The following TXNRD3 variants were observed in gnomAD, a reference collection of about 807,000 sequenced individuals.
TXNRD3 encodes thioredoxin reductase 3.
In TXNRD3, 68 loss-of-function variants were observed where a neutral mutation model predicts 78.2. The observed-to-expected ratio is 0.87, with a 90% CI of 0.72 to 1.06. The LOEUF is 1.06. TXNRD3 is among the 50% of genes least tolerant of loss of function. The probability of loss-of-function intolerance (pLI) is 0.00; values close to 1 mark genes in which losing one functional copy is unlikely to be tolerated. For missense variants in TXNRD3, 751 were observed against 809.5 expected (o/e 0.93, Z 0.88); for synonymous variants, 296 against 300.1 (o/e 0.99, Z 0.14).
At chr3:126,636,228 A>G (rs1006221275) in intron 6 of TXNRD3, among the ~76,000 whole-genome samples, 1 of 152,178 alleles carries the variant, frequency 6.6e-6, no homozygotes, top group Non-Finnish European at 1.5e-5. Context: ...ATTAGTTCTA[A>G]TATTTCTTGT....
At chr3:126,652,027 G>C (rs1933403776) in intron 1 of TXNRD3, among the ~76,000 whole-genome samples, 1 of 152,182 alleles carries the variant, frequency 6.6e-6, no homozygotes, top group African/African-American at 2.4e-5. Flanking sequence ...CCTTGTATTA[G>C]TCTGTTCTCC....
intron 10 of TXNRD3, chr3:126,625,868 T>C (rs572791732): frequency 6.6e-6 from 1 of 152,506 alleles, no homozygotes; most frequent in East Asian, 1.9e-4. Context: ...TGGTATCTCA[T>C]TGTGGTTTTG....
Position 126,607,866 on chromosome 3 carries a change from A to G in TXNRD3, c.*39T>C. ...CCGAGAGCATTCTTATCTTTGAGAG[A>G]AATGAGAATATGACAAGGAGAACTA... On this transcript the variant is annotated 3_prime_UTR_variant, in exon 16 of 16. Coordinates refer to ENST00000524230, the MANE Select transcript of TXNRD3 (RefSeq NM_052883.3). The G allele has an allele frequency of 1.4e-6, 2 of 1,460,638 alleles. No individual in the cohort carries two copies. Among genetic ancestry groups the G allele is most frequent in the Non-Finnish European group, 1.8e-6 (2 of 1,089,774 alleles). The allele number at this position is 1,460,638 out of a possible 1,614,324, so 90.5% of individuals were successfully genotyped here. A position where few individuals can be genotyped will look rare whatever the true frequency, so the allele number is the denominator to read the frequency against.
At chr3:126,628,570 G>C (rs1234778538) in intron 10 of TXNRD3, among the ~76,000 whole-genome samples, 2 of 151,992 alleles carry the variant, frequency 1.3e-5, no homozygotes, top group Admixed American at 1.3e-4. Context: ...AATACCATTT[G>C]TGACTACATA....
At chr3:126,620,959 C>A (rs543635119) in intron 12 of TXNRD3, among the ~76,000 whole-genome samples, 26 of 152,296 alleles carry the variant, frequency 1.7e-4, no homozygotes, top group African/African-American at 6.0e-4. Context: ...CCCGCCAACT[C>A]CACCACACGG....
At chr3:126,619,069 G>C (rs1212585033) in intron 12 of TXNRD3, among the ~76,000 whole-genome samples, 1 of 152,020 alleles carries the variant, frequency 6.6e-6, no homozygotes, top group African/African-American at 2.4e-5. Flanking sequence ...AATAACAAAG[G>C]CTGGTGAGGA....
chr3:126,615,293 C>T (rs1161991074), intron 13 of TXNRD3, 62 bp downstream of exon 13: 9 of 737,784 alleles, frequency 1.2e-5, no homozygotes, highest in Admixed American at 3.4e-5. Flanking sequence ...AAAAAGTGAC[C>T]GCAAAGATAA....
At chr3:126,646,250 C>T in intron 2 of TXNRD3, 30 bp from the exon 3 acceptor site, 1 of 1,472,370 alleles carries the variant, frequency 6.8e-7, no homozygotes, top group Non-Finnish European at 8.9e-7. Flanking sequence ...TATATAAAAA[C>T]ACTGAAAAGA....
chr3:126,622,578 T>C (rs945367657), intron 10 of TXNRD3, 38 bp from the exon 11 acceptor site: 1 of 1,454,684 alleles, frequency 6.9e-7, no homozygotes, highest in Non-Finnish European at 9.3e-7. Flanking sequence ...AAATTATCCA[T>C]ATCGGGAATG....
intron 14 of TXNRD3, 80 bp from the exon 15 acceptor site, chr3:126,608,713 T>A: frequency 7.1e-7 from 1 of 1,413,770 alleles, no homozygotes; most frequent in Admixed American, 2.8e-5. Context: ...AAATTCACAG[T>A]TAAAATATAC....
At position 126,642,111 on chromosome 3, in the gene TXNRD3, C is replaced by T. The variant is rs936059496; in HGVS notation, c.633G>A (p.Lys211=). 1.0e-4 allele frequency: 153 copies of T among 1,536,220 alleles called. No homozygotes were observed. The highest frequency in any genetic ancestry group is 1.3e-4 in the Non-Finnish European group (152 of 1,146,944). ...AAAGGGCAGCCTGATGCATCAATTT[C>T]TTAGGAATACAACCTACATTTACAC... Residue 211 remains lysine, a synonymous_variant, in exon 6 of 16, where the codon AAG becomes AAA. Transcript: ENST00000524230.
intron 12 of TXNRD3, among the ~76,000 whole-genome samples, chr3:126,617,073 C>T (rs756423848): frequency 1.3e-5 from 2 of 152,106 alleles, no homozygotes; most frequent in African/African-American, 4.8e-5. Flanking sequence ...TTAATAGATG[C>T]CTTTGTTTCC....
chr3:126,651,555 A>G (rs1453015202), intron 1 of TXNRD3, among the ~76,000 whole-genome samples: 2 of 152,242 alleles, frequency 1.3e-5, no homozygotes, highest in African/African-American at 4.8e-5. Flanking sequence ...TGTGCCTGAC[A>G]CTATTGTCTA....
In TXNRD3 at chr3:126,654,794, C is replaced by T; in HGVS notation, c.197G>A (p.Ser66Asn). The change falls in exon 1 of 16, where the codon AGC (serine) becomes AAC (asparagine). Residue 66 changes from serine (S) to asparagine (N), a missense_variant. By Grantham distance (46) the Ser-to-Asn change is conservative. Coordinates refer to ENST00000524230, the MANE Select transcript of TXNRD3 (RefSeq NM_052883.3). The stretch of plus-strand genomic sequence containing the variant: ...GCTCTTGCTGAAGATCACCACCCGG[C>T]TGCGCTCGATGAGGCCCACGAGGTG... 1 of 1,431,832 alleles carries T rather than the reference C, an allele frequency of 7.0e-7. No homozygotes were observed. The highest frequency in any genetic ancestry group is 9.1e-7 in the Non-Finnish European group (1 of 1,093,828). The allele number at this position is 1,431,832 out of a possible 1,614,324, so 88.7% of individuals were successfully genotyped here. A position where few individuals can be genotyped will look rare whatever the true frequency, so the allele number is the denominator to read the frequency against.
intron 10 of TXNRD3, among the ~76,000 whole-genome samples, 174 bp from the exon 11 acceptor site, chr3:126,622,714 CA>C (rs572942420): frequency 8.5e-4 from 129 of 152,272 alleles, no homozygotes; most frequent in Middle Eastern, 3.4e-3. Context: ...CACAACTTAC[CA>C]AACTTCACAA....
intron 1 of TXNRD3, among the ~76,000 whole-genome samples, chr3:126,648,096 G>T (rs1933283623): frequency 6.6e-6 from 1 of 151,804 alleles, no homozygotes; most frequent in Non-Finnish European, 1.5e-5. Context: ...ATCCAAAATA[G>T]AAATTGAGAA....
intron 5 of TXNRD3, 77 bp downstream of exon 5, chr3:126,643,904 T>C: frequency 7.5e-7 from 1 of 1,327,972 alleles, no homozygotes; most frequent in Non-Finnish European, 1.0e-6. Flanking sequence ...GAGATTGTTG[T>C]GAGGATTAAA....
At chr3:126,620,269 T>C (rs1559772048) in intron 12 of TXNRD3, among the ~76,000 whole-genome samples, 1 of 130,782 alleles carries the variant, frequency 7.6e-6, no homozygotes, top group Non-Finnish European at 1.5e-5. Flanking sequence ...CACTCCAGCC[T>C]GGGCGGCAGA....
Position 126,608,644 on chromosome 3 carries a change from GAAACA to G in TXNRD3, c.1729-16_1729-12del. ...TCCTATCACCCGATCCTTTAATACAGAAACAAAACAAAGAGAATCCCAGTAGGTTA... is the reference window on the plus strand; with the variant it reads ...TCCTATCACCCGATCCTTTAATACAGAAACAAAGAGAATCCCAGTAGGTTA... On this transcript the variant is annotated splice_polypyrimidine_tract_variant and intron_variant, in intron 14 of 15. Transcript: ENST00000524230. 5.9e-6 allele frequency: 9 copies of G among 1,530,730 alleles called. No individual in the cohort carries two copies. Among genetic ancestry groups the G allele is most frequent in the Non-Finnish European group, 7.9e-6 (9 of 1,144,880 alleles). 94.8% of individuals were successfully genotyped at this position (1,530,730 alleles called of 1,614,324 possible).
Sources: gnomAD v4.1 joint callset for allele counts (sites outside exome capture counted in the v4.1 genomes callset) on GRCh38, gnomAD v4.1.1 for gene constraint, MANE v1.5 for transcripts, NCBI Gene and HGNC (gene_info 2026-07-23, HGNC 2026-07-21) for gene names.